Variants in PPP5C observed in about 807,000 individuals in gnomAD.
PPP5C encodes the protein protein phosphatase 5 catalytic subunit, also known as serine/threonine-protein phosphatase 5.
A neutral mutation model predicts 66.7 loss-of-function variants in PPP5C; 21 were observed. The observed-to-expected ratio is 0.31, with a 90% CI of 0.22 to 0.45. The LOEUF is 0.45. Among genes scored for constraint, PPP5C ranks in the 20% least tolerant of loss-of-function variants. PPP5C has a pLI of 1.00. For missense variants in PPP5C, 464 were observed against 675.9 expected (o/e 0.69, Z 3.48); for synonymous variants, 246 against 257.4 (o/e 0.96, Z 0.43).
chr19:46,350,547 A>G (rs530687619), intron 1 of PPP5C, among the ~76,000 whole-genome samples: 1 of 152,276 alleles, frequency 6.6e-6, no homozygotes, highest in South Asian at 2.1e-4. Context: ...CTGCTGGCCC[A>G]GGCCCCTTGC....
intron 2 of PPP5C, among the ~76,000 whole-genome samples, chr19:46,365,473 C>G (rs8102314): frequency 0.97 from 148,366 of 152,312 alleles, 72,289 homozygotes; most frequent in East Asian, 1. Flanking sequence ...CAGTATATTG[C>G]GTCGAGGTGT....
intron 7 of PPP5C, among the ~76,000 whole-genome samples, chr19:46,386,534 G>A (rs1040584729): frequency 6.6e-6 from 1 of 151,854 alleles, no homozygotes; most frequent in Non-Finnish European, 1.5e-5. Flanking sequence ...AGGGAAGAAG[G>A]AGGCCGGGTG....
chr19:46,383,637 T>C lies in PPP5C; in HGVS notation c.700-143T>C. The C allele has an allele frequency of 9.7e-7, 1 of 1,026,548 alleles. No homozygotes were observed. The highest frequency in any genetic ancestry group is 1.4e-6 in the Non-Finnish European group (1 of 696,344). The allele number at this position is 1,026,548 out of a possible 1,614,324, so 63.6% of individuals were successfully genotyped here. ...ATATCCCATTTCTCTCCTGGCCTCT[T>C]GGTCTTCGTTTGTGTTCCCTGCTTG... On this transcript the variant is annotated intron_variant, in intron 5 of 12. Transcript: ENST00000012443. The surrounding 1 kb of genome is among the most constrained non-coding windows in gnomAD (Gnocchi z 5.0).
intron 2 of PPP5C, among the ~76,000 whole-genome samples, chr19:46,368,924 A>G (rs901742991): frequency 6.6e-6 from 1 of 152,204 alleles, no homozygotes; most frequent in Admixed American, 6.5e-5. Context: ...GTATTCCTTC[A>G]TGGGGATCTT....
chr19:46,349,546 G>A (rs1568562738), intron 1 of PPP5C, among the ~76,000 whole-genome samples: 1 of 152,144 alleles, frequency 6.6e-6, no homozygotes, highest in Non-Finnish European at 1.5e-5. Context: ...GGACCAGTGA[G>A]AGATGAGGCC....
At chr19:46,370,987 A>G (rs913205951) in intron 2 of PPP5C, among the ~76,000 whole-genome samples, 1 of 151,982 alleles carries the variant, frequency 6.6e-6, no homozygotes, top group East Asian at 1.9e-4. Context: ...TGATCCGCCC[A>G]CCTCGGCCTC....
rs542236789 is a variant in PPP5C, at chr19:46,364,205, T to TAC, written c.363+10217_363+10218dup. 2.4e-3 allele frequency among the ~76,000 whole-genome samples: 359 copies of TAC among 151,958 alleles called. 1 individual carries two copies. Among genetic ancestry groups the TAC allele is most frequent in the Non-Finnish European group, 3.7e-3 (255 of 68,020 alleles). On this transcript the variant is annotated intron_variant, in intron 2 of 12. Transcript: ENST00000012443. Reference sequence around the variant, plus strand: ...ACAGAGGCATCAAAAAATATATATATACGTGTGTGTGTGTATGTGTGTGCA... The same window carrying TAC: ...ACAGAGGCATCAAAAAATATATATATACACGTGTGTGTGTGTATGTGTGTGCA...
Position 46,376,775 on chromosome 19 carries a change from C to G in PPP5C, c.633+201C>G. ...CACAGCAGTTTGGGGAGGTGGCAGG[C>G]AGTGCCATTTGACAGATGCAGGGAC... is the stretch of plus-strand genomic sequence containing the variant. On this transcript the variant is annotated intron_variant, in intron 4 of 12. Transcript: ENST00000012443. This position sits in a 1 kb window ranked among gnomAD's most constrained non-coding sequence, Gnocchi z 5.1. The G allele has an allele frequency of 1.5e-6, 1 of 673,922 alleles. No homozygotes were observed. The highest frequency in any genetic ancestry group is 2.3e-6 in the Non-Finnish European group (1 of 426,826). The allele number at this position is 673,922 out of a possible 1,614,324, so 41.7% of individuals were successfully genotyped here.
In PPP5C at chr19:46,383,224, A is replaced by T; in HGVS notation, c.634-187A>T. The T allele has an allele frequency of 6.5e-7, 1 of 1,537,290 alleles. No individual in the cohort carries two copies. The highest frequency in any genetic ancestry group is 8.7e-7 in the Non-Finnish European group (1 of 1,144,736). The stretch of plus-strand genomic sequence containing the variant: ...AATGCTTCGGCACTGCACAGGCCAC[A>T]GAAGCCTGCGGCTGCCTCCGGCCCC... On this transcript the variant is annotated intron_variant, in intron 4 of 12. Coordinates refer to ENST00000012443, the MANE Select transcript of PPP5C (RefSeq NM_006247.4). This position sits in a 1 kb window ranked among gnomAD's most constrained non-coding sequence, Gnocchi z 5.0.
intron 11 of PPP5C, among the ~76,000 whole-genome samples, chr19:46,389,362 A>AACACACACACACACAC (rs57181889): frequency 1.0e-5 from 1 of 98,060 alleles, no homozygotes; most frequent in East Asian, 3.4e-4. Context: ...TCCATCTCAA[A>AACACACACACACACAC]ACACACACAC....
chr19:46,386,531 AAGG>A (rs765569935), intron 7 of PPP5C, among the ~76,000 whole-genome samples: 14 of 151,666 alleles, frequency 9.2e-5, no homozygotes, highest in Non-Finnish European at 2.1e-4. Context: ...GGAAGGGAAG[AAGG>A]AGGCCGGGTG....
At chr19:46,378,618 AT>A (rs1972736874) in intron 4 of PPP5C, among the ~76,000 whole-genome samples, 1 of 152,016 alleles carries the variant, frequency 6.6e-6, no homozygotes, top group Non-Finnish European at 1.5e-5. Flanking sequence ...TGCTTCCTGT[AT>A]TTTGAAATTT....
intron 2 of PPP5C, 38 bp downstream of exon 2, chr19:46,354,027 A>G (rs778654637): frequency 3.1e-6 from 5 of 1,604,382 alleles, no homozygotes; most frequent in Non-Finnish European, 4.2e-6. Context: ...CACCTGAGCC[A>G]GGCAGATACT....
chr19:46,383,719 C>A lies in PPP5C; in HGVS notation c.700-61C>A. ...TGAACTCTTACCCTTCCCCTCACCT[C>A]TGCCCCCTCCCCACGTCTCTCTCTC... On this transcript the variant is annotated intron_variant, in intron 5 of 12. Transcript: ENST00000012443. This position sits in a 1 kb window ranked among gnomAD's most constrained non-coding sequence, Gnocchi z 5.0. 1 of 1,374,302 alleles carries A rather than the reference C, an allele frequency of 7.3e-7. No homozygotes were observed. The highest frequency in any genetic ancestry group is 1.0e-6 in the Non-Finnish European group (1 of 963,936). 85.1% of individuals were successfully genotyped at this position (1,374,302 alleles called of 1,614,324 possible). A position where few individuals can be genotyped will look rare whatever the true frequency, so the allele number is the denominator to read the frequency against.
rs774721594 is a variant in PPP5C at position 46,390,693 on chromosome 19, C to T, written c.*347C>T. Reference sequence around the variant, plus strand: ...CTCCCCCACTCAAGCAATAGGGCCCCGCCATAGGAAGACCCCCAGAGAGAG... The same window carrying T: ...CTCCCCCACTCAAGCAATAGGGCCCTGCCATAGGAAGACCCCCAGAGAGAG... On this transcript the variant is annotated 3_prime_UTR_variant, in exon 13 of 13. Transcript: ENST00000012443. 31 of 1,203,902 alleles carry T rather than the reference C, an allele frequency of 2.6e-5. No homozygotes were observed. Among genetic ancestry groups the T allele is most frequent in the African/African-American group, 1.7e-4 (11 of 64,222 alleles). 74.6% of individuals were successfully genotyped at this position (1,203,902 alleles called of 1,614,324 possible).
At chr19:46,389,478 C>T (rs1972970271) in intron 11 of PPP5C, among the ~76,000 whole-genome samples, 1 of 147,630 alleles carries the variant, frequency 6.8e-6, no homozygotes, top group South Asian at 2.2e-4. Flanking sequence ...ATCCCTTGCC[C>T]CCACCCGAAT....
At chr19:46,372,125 T>A (rs1164062308) in intron 2 of PPP5C, among the ~76,000 whole-genome samples, 1 of 152,198 alleles carries the variant, frequency 6.6e-6, no homozygotes, top group Non-Finnish European at 1.5e-5. Flanking sequence ...TTGTGATTAC[T>A]AGGTACTGCC....
At chr19:46,378,681 T>C (rs1972737901) in intron 4 of PPP5C, among the ~76,000 whole-genome samples, 1 of 152,250 alleles carries the variant, frequency 6.6e-6, no homozygotes, top group Non-Finnish European at 1.5e-5. Flanking sequence ...ATTGACTCAT[T>C]ATAATGAAGT....
chr19:46,356,641 C>T (rs1972292056), intron 2 of PPP5C, among the ~76,000 whole-genome samples: 1 of 152,244 alleles, frequency 6.6e-6, no homozygotes, highest in South Asian at 2.1e-4. Context: ...GAGACTTGAA[C>T]CCCTAGTCCA....
Sources: gnomAD v4.1 joint callset for allele counts (sites outside exome capture counted in the v4.1 genomes callset) on GRCh38, gnomAD v4.1.1 for gene constraint, Gnocchi (gnomAD v3.1) non-coding constraint, MANE v1.5 for transcripts, NCBI Gene and HGNC (gene_info 2026-07-23, HGNC 2026-07-21) for gene names.